ACP3: variants seen among roughly 807,000 people sequenced by gnomAD.
ACP3 encodes prostatic acid phosphatase.
A neutral mutation model predicts 45.6 loss-of-function variants in ACP3; 38 were observed. The ratio of observed to expected loss-of-function variants is 0.83; its 90% CI spans 0.64 to 1.09. The LOEUF is 1.09. ACP3 is among the 50% of genes least tolerant of loss of function. ACP3 has a pLI of 0.00. For missense variants in ACP3, 466 were observed against 463.2 expected, an observed-to-expected ratio of 1.01 and a Z score of -0.05; for synonymous variants, 162 against 164.7, an observed-to-expected ratio of 0.98 and a Z score of 0.13.
At chr3:132,336,968 T>G (rs1937501225) in intron 4 of ACP3, among the ~76,000 whole-genome samples, 3 of 152,200 alleles carry the variant, frequency 2.0e-5, no homozygotes, top group Admixed American at 6.5e-5. Flanking sequence ...CTCTTAACAG[T>G]CTGCAAATTT....
At chr3:132,327,950 A>G (rs1372027371) in intron 1 of ACP3, among the ~76,000 whole-genome samples, 1 of 152,166 alleles carries the variant, frequency 6.6e-6, no homozygotes, top group African/African-American at 2.4e-5. Context: ...CCTGCCTTCT[A>G]ATGGCTGATC....
At chr3:132,346,720 T>C (rs16839122) in intron 7 of ACP3, among the ~76,000 whole-genome samples, 83,164 of 151,990 alleles carry the variant, frequency 0.55, 23,164 homozygotes, top group Middle Eastern at 0.71. Context: ...GTGACTCAGT[T>C]GCAAGCCCCA....
chr3:132,342,502 G>A, intron 5 of ACP3, 50 bp from the exon 6 acceptor site: 1 of 1,293,836 alleles, frequency 7.7e-7, no homozygotes, highest in Non-Finnish European at 1.1e-6. Context: ...CAATAATGCT[G>A]AAGCTGAGAA....
chr3:132,350,719 T>G (rs1275176698), intron 8 of ACP3, among the ~76,000 whole-genome samples: 6 of 152,172 alleles, frequency 3.9e-5, no homozygotes, highest in Non-Finnish European at 8.8e-5. Flanking sequence ...TGAAGGGCCA[T>G]GTTGTCCTGC....
chr3:132,337,306 C>G, intron 4 of ACP3, 150 bp from the exon 5 acceptor site: 2 of 506,598 alleles, frequency 3.9e-6, no homozygotes, highest in Non-Finnish European at 7.2e-6. Flanking sequence ...TTCTTTCTCC[C>G]CAATTTTGGA....
At chr3:132,363,914 G>C (rs1280266709) in intron 10 of ACP3, among the ~76,000 whole-genome samples, 1 of 152,090 alleles carries the variant, frequency 6.6e-6, no homozygotes, top group African/African-American at 2.4e-5. Context: ...TCTAGCCTAG[G>C]CAATGAAGTG....
chr3:132,352,085 A>G (rs1937755298), intron 8 of ACP3, among the ~76,000 whole-genome samples: 1 of 152,250 alleles, frequency 6.6e-6, no homozygotes, highest in Non-Finnish European at 1.5e-5. Context: ...AAAAAGGCAC[A>G]GCACTTAAGG....
chr3:132,317,483 C>G lies in ACP3; in HGVS notation c.27C>G (p.Ala9=). 1 of 1,613,548 alleles carries G rather than the reference C, an allele frequency of 6.2e-7. No individual in the cohort carries two copies. The highest frequency in any genetic ancestry group is 8.5e-7 in the Non-Finnish European group (1 of 1,179,718). The stretch of plus-strand genomic sequence containing the variant: ...TGAGAGCTGCACCCCTCCTCCTGGC[C>G]AGGGCAGCAAGCCTTAGCCTTGGCT... MRAAPLLL[A]RAASLSLGFL... is the part of the protein sequence containing the mutation. The change falls in exon 1 of 10, where the codon GCC becomes GCG. Residue 9 remains alanine (A), a synonymous_variant. Coordinates refer to ENST00000336375, the MANE Select transcript of ACP3 (RefSeq NM_001099.5).
chr3:132,350,958 A>C (rs986982907), intron 8 of ACP3, among the ~76,000 whole-genome samples: 1 of 152,196 alleles, frequency 6.6e-6, no homozygotes, highest in Non-Finnish European at 1.5e-5. Context: ...GCAGGAGAGG[A>C]AAAGAAGTGA....
At chr3:132,339,326 G>A (rs983024083) in intron 5 of ACP3, among the ~76,000 whole-genome samples, 1 of 152,146 alleles carries the variant, frequency 6.6e-6, no homozygotes, top group Non-Finnish European at 1.5e-5. Context: ...GACCAAATAT[G>A]GGGGATCTCT....
exon 11 of ACP3, chr3:132,368,094 G>T: frequency 3.6e-6 from 1 of 275,466 alleles, no homozygotes; most frequent in Non-Finnish European, 6.8e-6. Flanking sequence ...TGTATTCTCT[G>T]CCACAGTTGT....
chr3:132,355,808 G>T (rs954823334), intron 9 of ACP3, among the ~76,000 whole-genome samples: 1 of 152,196 alleles, frequency 6.6e-6, no homozygotes, highest in African/African-American at 2.4e-5. Flanking sequence ...GAGCCACTGC[G>T]CCCAGCCTTA....
At chr3:132,323,342 C>T (rs1005731394) in intron 1 of ACP3, among the ~76,000 whole-genome samples, 39 of 152,136 alleles carry the variant, frequency 2.6e-4, no homozygotes, top group Admixed American at 6.5e-5. Context: ...TACTATGTTC[C>T]AGGCACTGTT....
chr3:132,355,510 T>TTTTTA (rs1553734473), intron 9 of ACP3, among the ~76,000 whole-genome samples: 12 of 50,826 alleles, frequency 2.4e-4, no homozygotes, highest in African/African-American at 6.5e-4. Flanking sequence ...TTTTATTTTA[T>TTTTTA]TTTTATTTTA....
intron 2 of ACP3, among the ~76,000 whole-genome samples, chr3:132,330,282 T>C (rs1324139751): frequency 6.6e-6 from 1 of 152,052 alleles, no homozygotes; most frequent in Non-Finnish European, 1.5e-5. Context: ...AGTGTCTAGG[T>C]ACTTTTAATC....
At chr3:132,319,712 GGA>G (rs1937170519) in intron 1 of ACP3, among the ~76,000 whole-genome samples, 1 of 152,096 alleles carries the variant, frequency 6.6e-6, no homozygotes, top group Non-Finnish European at 1.5e-5. Flanking sequence ...ATGGAATGGT[GGA>G]GACAGAATTT....
rs371502353 is a variant in ACP3 at position 132,350,053 on chromosome 3, C to A, written c.864+51C>A. 64 of 1,295,092 alleles carry A rather than the reference C, an allele frequency of 4.9e-5. No homozygotes were observed. In the African/African-American group the frequency reaches 8.4e-4, roughly 17 times the overall value. 80.2% of individuals were successfully genotyped at this position (1,295,092 alleles called of 1,614,324 possible). A position where few individuals can be genotyped will look rare whatever the true frequency, so the allele number is the denominator to read the frequency against. Reference sequence around the variant, plus strand: ...ATATGTTTGTTCAAGTGTGTGATCTCTTGAAGCACAGGACCTCATCTTTTT... The same window carrying A: ...ATATGTTTGTTCAAGTGTGTGATCTATTGAAGCACAGGACCTCATCTTTTT... On this transcript the variant is annotated intron_variant, in intron 8 of 9. Coordinates refer to ENST00000336375, the MANE Select transcript of ACP3 (RefSeq NM_001099.5).
intron 1 of ACP3, among the ~76,000 whole-genome samples, chr3:132,319,453 A>G (rs1937166981): frequency 6.6e-6 from 1 of 152,242 alleles, no homozygotes; most frequent in African/African-American, 2.4e-5. Flanking sequence ...TATGAATTGT[A>G]TCACATAAGC....
chr3:132,328,310 C>G lies in ACP3; in HGVS notation c.164C>G (p.Thr55Ser). The G allele has an allele frequency of 6.2e-7, 1 of 1,614,032 alleles. No individual in the cohort carries two copies. Among genetic ancestry groups the G allele is most frequent in the Non-Finnish European group, 8.5e-7 (1 of 1,179,918 alleles). Residue 55 changes from threonine (T) to serine (S), a missense_variant, in exon 2 of 10, where the codon ACT becomes AGT. Coordinates refer to ENST00000336375, the MANE Select transcript of ACP3 (RefSeq NM_001099.5). ...GDRSPIDTFP[T>S]DPIKESSWPQ... Reference sequence around the variant, plus strand: ...CGAAGTCCCATTGACACCTTTCCCACTGACCCCATAAAGGAATCCTCATGG... The same window carrying G: ...CGAAGTCCCATTGACACCTTTCCCAGTGACCCCATAAAGGAATCCTCATGG...
Sources: gnomAD v4.1 joint callset for allele counts (sites outside exome capture counted in the v4.1 genomes callset) on GRCh38, gnomAD v4.1.1 for gene constraint, MANE v1.5 for transcripts, NCBI Gene and HGNC (gene_info 2026-07-23, HGNC 2026-07-21) for gene names.